The following CDH1 variants were observed in gnomAD, a reference collection of about 807,000 sequenced individuals.
CDH1 encodes cadherin-1.
In CDH1, 35 loss-of-function variants were observed where a neutral mutation model predicts 84.5. That is an observed-to-expected ratio of 0.41 (90% confidence interval 0.32 to 0.55). The LOEUF (loss-of-function observed/expected upper bound fraction) is 0.55, where lower values mean the gene tolerates loss of function less well. Ranked by LOEUF, CDH1 falls within the 20% of genes least tolerant of loss-of-function variation. CDH1 has a pLI of 0.19. For missense variants in CDH1, 994 were observed against 1,126.6 expected, an observed-to-expected ratio of 0.88 and a Z score of 1.68; for synonymous variants, 417 against 439.0, an observed-to-expected ratio of 0.95 and a Z score of 0.63.
intron 2 of CDH1, among the ~76,000 whole-genome samples, chr16:68,781,909 C>G (rs532481586): frequency 6.6e-6 from 1 of 152,108 alleles, no homozygotes; most frequent in Non-Finnish European, 1.5e-5. Flanking sequence ...TTCACTAGCC[C>G]AAACCTTGGC....
intron 2 of CDH1, among the ~76,000 whole-genome samples, chr16:68,775,557 G>A (rs1832586769): frequency 6.6e-6 from 1 of 152,194 alleles, no homozygotes; most frequent in African/African-American, 2.4e-5. Flanking sequence ...GATTCTAGGA[G>A]CAGTTACACA....
chr16:68,789,259 G>A (rs1233501809), intron 2 of CDH1, among the ~76,000 whole-genome samples: 1 of 151,976 alleles, frequency 6.6e-6, no homozygotes, highest in Admixed American at 6.6e-5. Flanking sequence ...GACGGGACTT[G>A]GACTCAAGTG....
In CDH1 at chr16:68,822,178, T is replaced by A. The variant is rs767116004; in HGVS notation, c.1889T>A (p.Leu630Gln). Reference protein sequence around the residue: ...PPNTSPFTAELTHGASANWTI... With the variant: ...PPNTSPFTAEQTHGASANWTI... ...AATACATCTCCCTTCACAGCAGAACTAACACACGGGGCGAGTGCCAACTGG... is the reference window on the plus strand; with the variant it reads ...AATACATCTCCCTTCACAGCAGAACAAACACACGGGGCGAGTGCCAACTGG... Residue 630 changes from leucine (L) to glutamine (Q), a missense_variant, in exon 12 of 16, where the codon CTA (leucine) becomes CAA (glutamine). By Grantham distance (113) the Leu-to-Gln change is moderately radical. This residue lies in a region of CDH1 where 769 missense variants were observed against 881.8 expected (regional missense o/e 0.87). Coordinates refer to ENST00000261769, the MANE Select transcript of CDH1 (RefSeq NM_004360.5). 6.2e-7 allele frequency: 1 copy of A among 1,614,106 alleles called. No homozygotes were observed.
At chr16:68,813,042 ATCT>A (rs754967782) in intron 8 of CDH1, among the ~76,000 whole-genome samples, 1 of 151,852 alleles carries the variant, frequency 6.6e-6, no homozygotes, top group Non-Finnish European at 1.5e-5. Context: ...TCCTTGTCAC[ATCT>A]TCTCCTTGAA....
intron 3 of CDH1, among the ~76,000 whole-genome samples, chr16:68,804,700 A>G (rs945023116): frequency 2.6e-5 from 4 of 152,106 alleles, no homozygotes; most frequent in African/African-American, 7.2e-5. Flanking sequence ...GTTTGTCTCT[A>G]TAGTTCAAAG....
intron 2 of CDH1, among the ~76,000 whole-genome samples, chr16:68,739,979 C>T (rs1012771716): frequency 3.9e-5 from 6 of 151,998 alleles, no homozygotes; most frequent in African/African-American, 1.5e-4. Context: ...ATGCATACAC[C>T]CAATGTACTT....
At position 68,823,566 on chromosome 16, in the gene CDH1, G is replaced by C. The variant is rs149127230; in HGVS notation, c.2104G>C (p.Glu702Gln). The change falls in exon 13 of 16, where the codon GAA becomes CAA. Residue 702 changes from glutamate to glutamine, a missense_variant. Glu to Gln is a conservative substitution (Grantham distance 29). Around this residue, in one of 3 missense-constraint regions of CDH1, gnomAD observed 769 missense variants for 881.8 expected, o/e 0.87. Transcript: ENST00000261769. ...AGVCRKAQPV[E>Q]AGLQIPAILG... ...CGTCTGTAGGAAGGCACAGCCTGTC[G>C]AAGCAGGATTGCAAATTCCTGCCAT... 2 of 1,613,932 alleles carry C rather than the reference G, an allele frequency of 1.2e-6. No homozygotes were observed. Among genetic ancestry groups the C allele is most frequent in the Non-Finnish European group, 1.7e-6 (2 of 1,180,024 alleles).
chr16:68,749,732 C>A (rs889405132), intron 2 of CDH1, among the ~76,000 whole-genome samples: 1 of 152,216 alleles, frequency 6.6e-6, no homozygotes, highest in South Asian at 2.1e-4. Flanking sequence ...GATGGCAGTG[C>A]TGGGGCTGCA....
At chr16:68,816,397 C>T (rs1413373428) in intron 10 of CDH1, among the ~76,000 whole-genome samples, 2 of 152,206 alleles carry the variant, frequency 1.3e-5, no homozygotes, top group African/African-American at 4.8e-5. Flanking sequence ...CACACAGATG[C>T]TGAGAACTGA....
intron 2 of CDH1, among the ~76,000 whole-genome samples, chr16:68,743,344 TTTCTTTC>T (rs1412454306): frequency 4.1e-5 from 2 of 48,728 alleles, no homozygotes; most frequent in Middle Eastern, 9.8e-3. Flanking sequence ...TCTTTCTTTC[TTTCTTTC>T]TTTCTTTCTT....
At chr16:68,771,559 C>G (rs1382841419) in intron 2 of CDH1, among the ~76,000 whole-genome samples, 2 of 151,994 alleles carry the variant, frequency 1.3e-5, no homozygotes, top group African/African-American at 4.8e-5. Context: ...CGAGACCATC[C>G]TGGCCAACAT....
At chr16:68,790,967 G>T (rs1432403498) in intron 2 of CDH1, among the ~76,000 whole-genome samples, 1 of 152,308 alleles carries the variant, frequency 6.6e-6, no homozygotes, top group Middle Eastern at 3.4e-3. Context: ...TTCTGGCCTT[G>T]TTGTCAAGAA....
chr16:68,814,204 C>T, intron 9 of CDH1: 1 of 154,676 alleles, frequency 6.5e-6, no homozygotes, highest in Non-Finnish European at 1.4e-5. Flanking sequence ...CACTGCACTC[C>T]AGCCCGGCAA....
intron 2 of CDH1, among the ~76,000 whole-genome samples, chr16:68,797,891 C>T (rs1246208902): frequency 6.6e-6 from 1 of 151,920 alleles, no homozygotes; most frequent in African/African-American, 2.4e-5. Context: ...CCAGCCTGGC[C>T]AACATGGTGA....
chr16:68,833,638 G>A lies in CDH1; in HGVS notation c.*139G>A, dbSNP rs1961555355. 2.8e-6 allele frequency: 2 copies of A among 701,920 alleles called. No individual in the cohort carries two copies. Among genetic ancestry groups the A allele is most frequent in the South Asian group, 3.1e-5 (2 of 65,346 alleles). 43.5% of individuals were successfully genotyped at this position (701,920 alleles called of 1,614,324 possible). A position where few individuals can be genotyped will look rare whatever the true frequency, so the allele number is the denominator to read the frequency against. On this transcript the variant is annotated 3_prime_UTR_variant, in exon 16 of 16. Transcript: ENST00000261769. ...ACTGGTTAGTGATGCAGTTAGTATA[G>A]CTTTATACTCTCTCCACTTTATAGC...
At chr16:68,767,867 G>A (rs573592824) in intron 2 of CDH1, among the ~76,000 whole-genome samples, 2 of 152,294 alleles carry the variant, frequency 1.3e-5, no homozygotes, top group East Asian at 3.9e-4. Context: ...GGCTGAAGCA[G>A]GAGGATCACT....
intron 3 of CDH1, among the ~76,000 whole-genome samples, chr16:68,807,681 C>A (rs899400195): frequency 6.6e-6 from 1 of 151,640 alleles, no homozygotes; most frequent in African/African-American, 2.4e-5. Flanking sequence ...AGAGCAAGAC[C>A]CTGTCTCTAT....
intron 3 of CDH1, among the ~76,000 whole-genome samples, chr16:68,805,182 C>T (rs1960625254): frequency 1.3e-5 from 2 of 150,934 alleles, no homozygotes; most frequent in South Asian, 2.1e-4. Flanking sequence ...CTTCCATTTC[C>T]CTTCCTTTTG....
intron 2 of CDH1, among the ~76,000 whole-genome samples, chr16:68,786,520 CTTTTTTTTTTTTTCTTTTTTT>C (rs1175364464): frequency 2.6e-5 from 2 of 77,522 alleles, no homozygotes; most frequent in East Asian, 6.6e-4. Context: ...TTTCTGCTTT[CTTTTTTTTTTTTTCTTTTTTT>C]TTTTTTTTTT....
Sources: gnomAD v4.1 joint callset for allele counts (sites outside exome capture counted in the v4.1 genomes callset) on GRCh38, gnomAD v4.1.1 for gene constraint, gnomAD v4.1.1 regional missense constraint, MANE v1.5 for transcripts, NCBI Gene and HGNC (gene_info 2026-07-23, HGNC 2026-07-21) for gene names.